ZNF578: variants seen among roughly 807,000 people sequenced by gnomAD.
ZNF578 encodes the protein Putative chemokine-related protein B42.
ZNF578 carries 8 observed loss-of-function variants against 8.3 expected under a neutral mutation model. The observed-to-expected ratio is 0.96, with a 90% CI of 0.56 to 1.74. The LOEUF is 1.74. Ranked by LOEUF, ZNF578 falls within the 40% of genes most tolerant of loss-of-function variation. The probability of loss-of-function intolerance (pLI) is 0.00; values close to 1 mark genes in which losing one functional copy is unlikely to be tolerated. For missense variants in ZNF578, 726 were observed against 707.5 expected (o/e 1.03, Z -0.30); for synonymous variants, 206 against 232.2 (o/e 0.89, Z 1.03).
intron 2 of ZNF578, chr19:52,474,367 A>T: frequency 3.5e-6 from 1 of 287,896 alleles, no homozygotes; most frequent in South Asian, 3.5e-5. Context: ...TAAAGTGTGA[A>T]CTGTGAGTAA....
intron 2 of ZNF578, among the ~76,000 whole-genome samples, chr19:52,466,499 T>C (rs1172941980): frequency 6.6e-6 from 1 of 152,076 alleles, no homozygotes. Context: ...TCCCCAACAG[T>C]TTTCTCTATG....
At position 52,511,612 on chromosome 19, in the gene ZNF578, C is replaced by T. The variant is rs750283641; in HGVS notation, c.1231C>T (p.Gln411Ter). 1.9e-6 allele frequency: 3 copies of T among 1,612,742 alleles called. No homozygotes were observed. The highest frequency in any genetic ancestry group is 1.7e-6 in the Non-Finnish European group (2 of 1,179,080). ...TGAATGTGGCAAGGCTTTTAATCAA[C>T]AATCACACCTTTCACGTCATCATAG... The part of the protein sequence containing the change: ...CNECGKAFNQ[Q>*]SHLSRHHRLH... The change falls in exon 6 of 6, where the codon CAA becomes TAA. Residue 411 changes from glutamine (Q) to a stop codon, truncating the protein, a stop_gained. Coordinates refer to ENST00000421239, the MANE Select transcript of ZNF578 (RefSeq NM_001099694.2). LOFTEE classifies it low-confidence loss of function (END_TRUNC).
At chr19:52,492,404 G>A (rs35904532) in intron 3 of ZNF578, among the ~76,000 whole-genome samples, 6,256 of 152,200 alleles carry the variant, frequency 0.041, 134 homozygotes, top group Middle Eastern at 0.12. Flanking sequence ...CGCATCCCAG[G>A]CGGAGGCCCT....
chr19:52,482,983 A>G (rs4802954), intron 2 of ZNF578, among the ~76,000 whole-genome samples: 92,018 of 149,712 alleles, frequency 0.61, 28,432 homozygotes, highest in African/African-American at 0.65. Context: ...GGTGGCATGC[A>G]TCTGTAGTCC....
rs1419894652 is a variant in ZNF578 at position 52,454,364 on chromosome 19, A to G, written c.-213+757A>G. ...TGTCCCATAATTTACCTCACTTCTG[A>G]CAGCTGTACCTGGTGTAAGCATCGG... On this transcript the variant is annotated intron_variant, in intron 1 of 5. Coordinates refer to ENST00000421239, the MANE Select transcript of ZNF578 (RefSeq NM_001099694.2). 4.6e-5 allele frequency: 7 copies of G among 152,198 alleles called. No individual in the cohort carries two copies. In the East Asian group the frequency reaches 1.3e-3, roughly 29 times the overall value. 9.4% of individuals were successfully genotyped at this position (152,198 alleles called of 1,614,324 possible). A position where few individuals can be genotyped will look rare whatever the true frequency, so the allele number is the denominator to read the frequency against.
Position 52,499,689 on chromosome 19 carries a change from G to GTTTTTTTTTTTTTTTTTTT in ZNF578, c.-19-2125_-19-2124insTTTTTTTTTTTTTTTTTTT, listed in dbSNP as rs66824085. 1.0e-3 allele frequency among the ~76,000 whole-genome samples: 141 copies of GTTTTTTTTTTTTTTTTTTT among 141,572 alleles called. 10 individuals carry two copies. Among genetic ancestry groups the GTTTTTTTTTTTTTTTTTTT allele is most frequent in the African/African-American group, 3.5e-3 (131 of 37,540 alleles). 92.9% of individuals were successfully genotyped at this position (141,572 alleles called of 152,430 possible). ...TGAGAAGATACATCACTTCCAAATCGTTTTTTTTTTTTTGAGATGAATTTT... is the reference window on the plus strand; with the variant it reads ...TGAGAAGATACATCACTTCCAAATCGTTTTTTTTTTTTTTTTTTTTTTTTTTTTTTTTGAGATGAATTTT... On this transcript the variant is annotated intron_variant, in intron 3 of 5. Coordinates refer to ENST00000421239, the MANE Select transcript of ZNF578 (RefSeq NM_001099694.2).
rs2059419470 is a variant in ZNF578, at chr19:52,504,765, G to T, written c.174G>T (p.Arg58Ser). 1 of 1,614,028 alleles carries T rather than the reference G, an allele frequency of 6.2e-7. No homozygotes were observed. ...GGGAAGTGATGTTGGAGAACTACAG[G>T]AACCTGGAGGCTGTGGGTGAGGAAA... ...LYREVMLENY[R>S]NLEAVDISSK... is the part of the protein sequence containing the mutation. The change falls in exon 5 of 6, where the codon AGG (arginine) becomes AGT (serine). Residue 58 changes from arginine to serine, a missense_variant. Physicochemically the swap from Arg to Ser is moderately radical, Grantham distance 110. Coordinates refer to ENST00000421239, the MANE Select transcript of ZNF578 (RefSeq NM_001099694.2).
At chr19:52,463,556 C>CATGAGTT (rs113592551) in intron 2 of ZNF578, among the ~76,000 whole-genome samples, 127,725 of 151,472 alleles carry the variant, frequency 0.84, 55,686 homozygotes, top group Non-Finnish European at 0.96. Flanking sequence ...TGTGCTAGGA[C>CATGAGTT]ATGAGTTATA....
At position 52,486,890 on chromosome 19, in the gene ZNF578, TAG is replaced by T. The variant is rs561546710; in HGVS notation, c.-121-4429_-121-4428del. Among the ~76,000 whole-genome samples the T allele has an allele frequency of 1.1e-3, 167 of 148,744 alleles. 2 individuals are homozygous for T. In the East Asian group the frequency reaches 0.014, roughly 12 times the overall value. On this transcript the variant is annotated intron_variant, in intron 2 of 5. Transcript: ENST00000421239. ...AGCAGAAGAGGTGGAAGAGAAGGAA[TAG>T]AGAGGGAAGAAAGGGATAAACGGCA...
chr19:52,458,476 A>ATATATATATATG (rs1368461206), intron 2 of ZNF578: 2 of 144,864 alleles, frequency 1.4e-5, no homozygotes, highest in Non-Finnish European at 1.5e-5. Context: ...GTTTATATAT[A>ATATATATATATG]TATATATTTT....
intron 3 of ZNF578, among the ~76,000 whole-genome samples, chr19:52,495,112 A>G (rs1407451872): frequency 6.6e-6 from 1 of 150,454 alleles, no homozygotes; most frequent in East Asian, 1.9e-4. Flanking sequence ...CTTGCAAAGT[A>G]CTGGGATTAC....
chr19:52,474,700 A>T (rs1177893949), intron 2 of ZNF578: 1 of 239,118 alleles, frequency 4.2e-6, no homozygotes, highest in Non-Finnish European at 8.8e-6. Context: ...ATACCTGAAG[A>T]CTTTGCCAAA....
In ZNF578 at chr19:52,511,622, T is replaced by C. The variant is rs768155240; in HGVS notation, c.1241T>C (p.Leu414Pro). The change falls in exon 6 of 6, where the codon CTT becomes CCT. Residue 414 changes from leucine (L) to proline (P), a missense_variant. Physicochemically the swap from Leu to Pro is moderately conservative, Grantham distance 98 (BLOSUM62 -3). Transcript: ENST00000421239. ...CGKAFNQQSH[L>P]SRHHRLHTGE... Reference sequence around the variant, plus strand: ...AAGGCTTTTAATCAACAATCACACCTTTCACGTCATCATAGACTTCATACT... The same window carrying C: ...AAGGCTTTTAATCAACAATCACACCCTTCACGTCATCATAGACTTCATACT... 17 of 1,613,124 alleles carry C rather than the reference T, an allele frequency of 1.1e-5. No individual in the cohort carries two copies. The highest frequency in any genetic ancestry group is 8.5e-7 in the Non-Finnish European group (1 of 1,179,168).
intron 2 of ZNF578, among the ~76,000 whole-genome samples, chr19:52,469,289 C>T (rs1480457453): frequency 6.6e-6 from 1 of 151,634 alleles, no homozygotes; most frequent in Non-Finnish European, 1.5e-5. Flanking sequence ...GCTCCCCAGG[C>T]AGCTGGGACT....
At chr19:52,459,650 C>CACACACAT (rs1340389548) in intron 2 of ZNF578, among the ~76,000 whole-genome samples, 16 of 84,826 alleles carry the variant, frequency 1.9e-4, no homozygotes, top group African/African-American at 5.8e-4. Context: ...CACACACACA[C>CACACACAT]ATATATATAC....
At chr19:52,478,841 G>A (rs2059316155) in intron 2 of ZNF578, among the ~76,000 whole-genome samples, 1 of 151,998 alleles carries the variant, frequency 6.6e-6, no homozygotes, top group Non-Finnish European at 1.5e-5. Flanking sequence ...AGCCTCCCAT[G>A]TAGCTGGGAC....
intron 1 of ZNF578, chr19:52,456,269 G>A (rs2059239434): frequency 1.3e-5 from 2 of 152,084 alleles, no homozygotes; most frequent in South Asian, 2.1e-4. Context: ...CCCAAGGGGA[G>A]ACCAGAGCCA....
chr19:52,453,608 G>GAAAC lies in ZNF578; in HGVS notation c.-213+1_-213+2insAAAC. 1 of 152,876 alleles carries GAAAC rather than the reference G, an allele frequency of 6.5e-6. No homozygotes were observed. The highest frequency in any genetic ancestry group is 2.4e-5 in the African/African-American group (1 of 41,592). The allele number at this position is 152,876 out of a possible 1,614,324, so 9.5% of individuals were successfully genotyped here. On this transcript the variant is annotated splice_donor_variant, in intron 1 of 5. Transcript: ENST00000421239. LOFTEE classifies it low-confidence loss of function (5UTR_SPLICE). ...TGGGGAGCCGGTCTTGGAGCAGCGG[G>GAAAC]TGAGTTTCCCTTTGTCTAGATTAGA...
intron 3 of ZNF578, among the ~76,000 whole-genome samples, chr19:52,494,326 CAAAA>C (rs971017385): frequency 7.0e-6 from 1 of 142,422 alleles, no homozygotes; most frequent in Non-Finnish European, 1.5e-5. Flanking sequence ...CCATCGCTGT[CAAAA>C]AAAAAAGAAA....
Sources: gnomAD v4.1 joint callset for allele counts (sites outside exome capture counted in the v4.1 genomes callset) on GRCh38, gnomAD v4.1.1 for gene constraint, MANE v1.5 for transcripts, NCBI Gene and HGNC (gene_info 2026-07-23, HGNC 2026-07-21) for gene names.